The following CTNNA2 variants were observed in gnomAD, a reference collection of about 807,000 sequenced individuals.
The protein encoded by CTNNA2 is catenin alpha-2.
CTNNA2 carries 42 observed loss-of-function variants against 101.0 expected under a neutral mutation model. The ratio of observed to expected loss-of-function variants is 0.42; its 90% confidence interval spans 0.32 to 0.54. The LOEUF (loss-of-function observed/expected upper bound fraction) is 0.54, where lower values mean the gene tolerates loss of function less well. Among genes scored for constraint, CTNNA2 ranks in the 20% least tolerant of loss-of-function variants. The pLI is 0.14. For synonymous variants in CTNNA2, 450 were observed against 456.4 expected (o/e 0.99, Z 0.18); for missense variants, 871 against 1,223.1 (o/e 0.71, Z 4.29).
At chr2:80,300,582 C>A (rs575847553) in intron 7 of CTNNA2, among the ~76,000 whole-genome samples, 3 of 151,978 alleles carry the variant, frequency 2.0e-5, no homozygotes, top group Non-Finnish European at 4.4e-5. Flanking sequence ...GTGTGGTTCC[C>A]CATCCCCCCA....
chr2:79,344,812 TTA>T (rs530930277), intron 3 of CTNNA2, among the ~76,000 whole-genome samples: 8 of 145,838 alleles, frequency 5.5e-5, no homozygotes, highest in African/African-American at 1.2e-4. Context: ...ATATATATAT[TTA>T]TATATATAAT....
chr2:79,214,970 G>A (rs1238606141), intron 2 of CTNNA2, among the ~76,000 whole-genome samples: 10 of 152,028 alleles, frequency 6.6e-5, no homozygotes, highest in East Asian at 1.9e-4. Flanking sequence ...GGTAGCCTCC[G>A]TATTGATTAA....
chr2:79,620,452 C>G (rs1678922843), intron 1 of CTNNA2, among the ~76,000 whole-genome samples: 1 of 152,226 alleles, frequency 6.6e-6, no homozygotes, highest in Non-Finnish European at 1.5e-5. Flanking sequence ...ACACTCCACC[C>G]TCTCCACTCA....
intron 7 of CTNNA2, among the ~76,000 whole-genome samples, chr2:80,057,037 T>A (rs933088539): frequency 2.0e-5 from 3 of 152,208 alleles, no homozygotes; most frequent in Admixed American, 6.5e-5. Flanking sequence ...GTTAACTCAT[T>A]TAAAAAATTA....
chr2:79,353,287 A>G (rs139182557), intron 3 of CTNNA2, among the ~76,000 whole-genome samples: 196 of 152,244 alleles, frequency 1.3e-3, no homozygotes, highest in African/African-American at 4.1e-3. Context: ...TTTCCATGTG[A>G]TGGTATGATT....
chr2:80,115,700 C>T (rs553654569), intron 7 of CTNNA2, among the ~76,000 whole-genome samples: 5 of 152,036 alleles, frequency 3.3e-5, no homozygotes, highest in South Asian at 2.1e-4. Context: ...GTCCTGGGTA[C>T]GGTGCTATTT....
chr2:80,242,684 G>A (rs561887710), intron 7 of CTNNA2, among the ~76,000 whole-genome samples: 1 of 152,098 alleles, frequency 6.6e-6, no homozygotes, highest in African/African-American at 2.4e-5. Context: ...TCAAACAATG[G>A]CATTTCCCAC....
At chr2:79,407,205 G>C (rs1274319229) in intron 4 of CTNNA2, among the ~76,000 whole-genome samples, 1 of 152,024 alleles carries the variant, frequency 6.6e-6, no homozygotes. Context: ...GTCTATTAGA[G>C]TTGCCAACTT....
At chr2:79,955,039 G>C (rs1689130681) in intron 7 of CTNNA2, among the ~76,000 whole-genome samples, 1 of 152,100 alleles carries the variant, frequency 6.6e-6, no homozygotes, top group Admixed American at 6.5e-5. Context: ...GTAATTTCTT[G>C]GACATCATTT....
At chr2:80,242,396 A>G (rs1671011420) in intron 7 of CTNNA2, among the ~76,000 whole-genome samples, 1 of 152,096 alleles carries the variant, frequency 6.6e-6, no homozygotes, top group Non-Finnish European at 1.5e-5. Flanking sequence ...CCCACACAGC[A>G]CTCAGGGCTT....
intron 2 of CTNNA2, among the ~76,000 whole-genome samples, chr2:79,698,787 T>C (rs1168823614): frequency 6.6e-6 from 1 of 152,062 alleles, no homozygotes; most frequent in African/African-American, 2.4e-5. Flanking sequence ...TGTAGCCTAT[T>C]CCACACTTTG....
At chr2:79,226,169 G>T (rs969002252) in intron 2 of CTNNA2, among the ~76,000 whole-genome samples, 1 of 152,106 alleles carries the variant, frequency 6.6e-6, no homozygotes, top group Non-Finnish European at 1.5e-5. Flanking sequence ...AGCCTGAAAC[G>T]AAACTTTATC....
At chr2:79,267,489 G>T (rs891387846) in intron 2 of CTNNA2, among the ~76,000 whole-genome samples, 4 of 152,080 alleles carry the variant, frequency 2.6e-5, no homozygotes, top group African/African-American at 4.8e-5. Flanking sequence ...CCTACGAAAG[G>T]CCCCACCTCC....
chr2:79,454,349 C>A (rs771353568), intron 4 of CTNNA2, among the ~76,000 whole-genome samples: 3 of 152,082 alleles, frequency 2.0e-5, no homozygotes, highest in Non-Finnish European at 4.4e-5. Flanking sequence ...CTAGTACTTG[C>A]AATCTACATC....
At chr2:79,344,743 G>T (rs931408439) in intron 3 of CTNNA2, among the ~76,000 whole-genome samples, 2 of 149,584 alleles carry the variant, frequency 1.3e-5, no homozygotes, top group African/African-American at 4.9e-5. Flanking sequence ...TCAATCTCTT[G>T]CAAGCTATGT....
intron 2 of CTNNA2, among the ~76,000 whole-genome samples, chr2:79,204,363 AT>A (rs1341241628): frequency 6.6e-6 from 1 of 151,802 alleles, no homozygotes; most frequent in East Asian, 1.9e-4. Context: ...GCAGATATTT[AT>A]TTTTTTCTAC....
intron 12 of CTNNA2, among the ~76,000 whole-genome samples, chr2:80,561,820 C>A (rs1199976178): frequency 1.5e-5 from 2 of 133,368 alleles, no homozygotes; most frequent in African/African-American, 5.7e-5. Context: ...GCCACCACGC[C>A]TGGCTAATTT....
At chr2:80,375,785 G>A (rs554814995) in intron 7 of CTNNA2, among the ~76,000 whole-genome samples, 99 of 151,818 alleles carry the variant, frequency 6.5e-4, no homozygotes, top group African/African-American at 1.9e-3. Context: ...GGATGGTCTC[G>A]ATCTCCTGAC....
intron 1 of CTNNA2, among the ~76,000 whole-genome samples, chr2:79,566,234 A>T (rs1221348895): frequency 6.6e-6 from 1 of 152,184 alleles, no homozygotes; most frequent in Non-Finnish European, 1.5e-5. Flanking sequence ...TTCATGAAAA[A>T]GTTACCACCA....
Sources: gnomAD v4.1 joint callset for allele counts (sites outside exome capture counted in the v4.1 genomes callset) on GRCh38, gnomAD v4.1.1 for gene constraint, MANE v1.5 for transcripts, NCBI Gene and HGNC (gene_info 2026-07-23, HGNC 2026-07-21) for gene names.